The following PPIC variants were observed in gnomAD, a reference collection of about 807,000 sequenced individuals.
PPIC encodes the protein peptidylprolyl isomerase C, also known as peptidyl-prolyl cis-trans isomerase C.
Under a neutral mutation model 19.5 loss-of-function variants are expected in PPIC, and 19 were observed. The ratio of observed to expected loss-of-function variants is 0.98; its 90% CI spans 0.68 to 1.43. The LOEUF is 1.43. Ranked by LOEUF, PPIC falls within the 40% of genes most tolerant of loss-of-function variation. PPIC has a pLI of 0.00. For synonymous variants in PPIC, 107 were observed against 101.2 expected (o/e 1.06, Z -0.34); for missense variants, 268 against 268.6 (o/e 1.00, Z 0.02).
At chr5:123,026,375 A>G (rs925440894) in intron 3 of PPIC, among the ~76,000 whole-genome samples, 1 of 152,184 alleles carries the variant, frequency 6.6e-6, no homozygotes, top group Non-Finnish European at 1.5e-5. Context: ...AGCTCAGGAC[A>G]GTCCTGTGAC....
At chr5:123,026,520 A>T (rs1241942376) in intron 3 of PPIC, among the ~76,000 whole-genome samples, 1 of 152,262 alleles carries the variant, frequency 6.6e-6, no homozygotes, top group Non-Finnish European at 1.5e-5. Context: ...AACAGAGGTT[A>T]CAAAACTTGA....
chr5:123,030,605 C>G (rs911020972), intron 1 of PPIC, among the ~76,000 whole-genome samples: 8 of 152,178 alleles, frequency 5.3e-5, no homozygotes, highest in African/African-American at 1.9e-4. Context: ...TGGCATTTTA[C>G]AATTTTTACA....
intron 1 of PPIC, among the ~76,000 whole-genome samples, chr5:123,033,102 T>G (rs1762964080): frequency 6.6e-6 from 1 of 152,204 alleles, no homozygotes; most frequent in African/African-American, 2.4e-5. Context: ...TCAATGGCCA[T>G]GGAAACTTCA....
At chr5:123,035,362 T>G (rs912600776) in intron 1 of PPIC, among the ~76,000 whole-genome samples, 5 of 152,212 alleles carry the variant, frequency 3.3e-5, no homozygotes, top group Non-Finnish European at 7.3e-5. Context: ...CACAAACCAT[T>G]TCCCAAAGTT....
chr5:123,028,830 G>C lies in PPIC; in HGVS notation c.270C>G (p.Val90=). Residue 90 remains valine (V), a synonymous_variant, in exon 3 of 5, where the codon GTC becomes GTG. Coordinates refer to ENST00000306442, the MANE Select transcript of PPIC (RefSeq NM_000943.5). ...CTCCTTGAATCATGAAATCCTTGAT[G>C]ACACGATGAAACTTGCTTCCTTTAT... ...YGYKGSKFHR[V]IKDFMIQGGD... is the part of the protein sequence containing the mutation. The C allele has an allele frequency of 1.2e-6, 2 of 1,613,594 alleles. No individual in the cohort carries two copies. The highest frequency in any genetic ancestry group is 1.7e-6 in the Non-Finnish European group (2 of 1,179,502).
Position 123,036,453 on chromosome 5 carries a change from C to A in PPIC, c.117+56G>T. Reference sequence around the variant, plus strand: ...GACACCGAGGTCCCAGTATCCAAAGCGCCCCCAGGGCCCCGCCCGCAACAG... The same window carrying A: ...GACACCGAGGTCCCAGTATCCAAAGAGCCCCCAGGGCCCCGCCCGCAACAG... On this transcript the variant is annotated intron_variant, in intron 1 of 4. Coordinates refer to ENST00000306442, the MANE Select transcript of PPIC (RefSeq NM_000943.5). This position sits in a 1 kb window ranked among gnomAD's most constrained non-coding sequence, Gnocchi z 4.5. The A allele has an allele frequency of 4.0e-6, 6 of 1,488,090 alleles. No individual in the cohort carries two copies. The highest frequency in any genetic ancestry group is 5.5e-6 in the Non-Finnish European group (6 of 1,082,810). 92.2% of individuals were successfully genotyped at this position (1,488,090 alleles called of 1,614,324 possible). A position where few individuals can be genotyped will look rare whatever the true frequency, so the allele number is the denominator to read the frequency against.
rs1762794231 is a variant in PPIC, at chr5:123,023,504, C to G, written c.*371G>C. On this transcript the variant is annotated 3_prime_UTR_variant, in exon 5 of 5. Coordinates refer to ENST00000306442, the MANE Select transcript of PPIC (RefSeq NM_000943.5). ...CTTTATCTGAATTTCTGTTTGGATA[C>G]AAAATAATAATATCCTCATCTGTTT... is the stretch of plus-strand genomic sequence containing the variant. 1 of 154,412 alleles carries G rather than the reference C, an allele frequency of 6.5e-6. No individual in the cohort carries two copies. The highest frequency in any genetic ancestry group is 2.0e-4 in the South Asian group (1 of 4,918). 9.6% of individuals were successfully genotyped at this position (154,412 alleles called of 1,614,324 possible).
chr5:123,026,806 C>G (rs1561748991), intron 3 of PPIC, among the ~76,000 whole-genome samples: 1 of 152,190 alleles, frequency 6.6e-6, no homozygotes, highest in Non-Finnish European at 1.5e-5. Context: ...ATCTGACCAT[C>G]CTCCAATACC....
In PPIC at chr5:123,023,705, A is replaced by C. The variant is rs960255813; in HGVS notation, c.*170T>G. The C allele has an allele frequency of 2.8e-6, 3 of 1,085,212 alleles. No individual in the cohort carries two copies. In the Admixed American group the frequency reaches 1.2e-4, roughly 42 times the overall value. 67.2% of individuals were successfully genotyped at this position (1,085,212 alleles called of 1,614,324 possible). ...GCAGGTGGTTTACTAAAGTTCAAGCAAACTAAAGGGTGACGGTTTGATTTT... is the reference window on the plus strand; with the variant it reads ...GCAGGTGGTTTACTAAAGTTCAAGCCAACTAAAGGGTGACGGTTTGATTTT... On this transcript the variant is annotated 3_prime_UTR_variant, in exon 5 of 5. Transcript: ENST00000306442.
intron 3 of PPIC, among the ~76,000 whole-genome samples, chr5:123,026,996 C>A (rs963010930): frequency 1.3e-5 from 2 of 152,056 alleles, no homozygotes; most frequent in African/African-American, 4.8e-5. Flanking sequence ...AGATTGAGAC[C>A]ATCCTGGCTA....
intron 1 of PPIC, among the ~76,000 whole-genome samples, chr5:123,031,857 C>T (rs1433447180): frequency 6.6e-6 from 1 of 152,162 alleles, no homozygotes; most frequent in Non-Finnish European, 1.5e-5. Context: ...AGTGCAGTGG[C>T]ACAATCTTGG....
rs1762801254 is a variant in PPIC, at chr5:123,023,786, C to A, written c.*89G>T. ...CAAAAAGAAAGTAAAAAAAAAAAAG[C>A]AAATAATTGAAAGACAACACAACAC... On this transcript the variant is annotated 3_prime_UTR_variant, in exon 5 of 5. Transcript: ENST00000306442. 10 of 1,337,286 alleles carry A rather than the reference C, an allele frequency of 7.5e-6. No individual in the cohort carries two copies. Among genetic ancestry groups the A allele is most frequent in the East Asian group, 2.6e-5 (1 of 38,416 alleles). 82.8% of individuals were successfully genotyped at this position (1,337,286 alleles called of 1,614,324 possible).
intron 1 of PPIC, among the ~76,000 whole-genome samples, chr5:123,033,198 TAAG>T (rs1355558441): frequency 3.9e-5 from 6 of 152,198 alleles, no homozygotes; most frequent in African/African-American, 1.4e-4. Flanking sequence ...ACAGTAGGAT[TAAG>T]AAGATAAACA....
chr5:123,034,732 C>T (rs929996142), intron 1 of PPIC, among the ~76,000 whole-genome samples: 1 of 152,140 alleles, frequency 6.6e-6, no homozygotes, highest in African/African-American at 2.4e-5. Flanking sequence ...ATCCTATTCC[C>T]TCTCCCTCGC....
intron 1 of PPIC, among the ~76,000 whole-genome samples, chr5:123,035,791 T>A (rs1173228463): frequency 6.6e-6 from 1 of 152,126 alleles, no homozygotes; most frequent in East Asian, 1.9e-4. Flanking sequence ...CGGAGTTAAG[T>A]ACGAGGAAGC....
At chr5:123,034,242 A>C (rs1762975467) in intron 1 of PPIC, among the ~76,000 whole-genome samples, 1 of 152,240 alleles carries the variant, frequency 6.6e-6, no homozygotes. Context: ...GTTCATGAAA[A>C]AGTAATTTAA....
chr5:123,024,069 A>G, intron 4 of PPIC, 66 bp from the exon 5 acceptor site: 1 of 1,525,814 alleles, frequency 6.6e-7, no homozygotes, highest in Non-Finnish European at 8.8e-7. Flanking sequence ...CAAAGGTTAA[A>G]CCAAAGCCAA....
chr5:123,033,505 C>A (rs1001973317), intron 1 of PPIC, among the ~76,000 whole-genome samples: 1 of 152,308 alleles, frequency 6.6e-6, no homozygotes, highest in African/African-American at 2.4e-5. Context: ...CTTCCGCCGC[C>A]GTGACTGGAA....
In PPIC at chr5:123,036,403, G is replaced by T; in HGVS notation, c.117+106C>A. ...GGCCGCCTCCAGTCCCCCTGCGCCC[G>T]GGAAGCCTCCACCTCGCCCGCCCTG... On this transcript the variant is annotated intron_variant, in intron 1 of 4. Coordinates refer to ENST00000306442, the MANE Select transcript of PPIC (RefSeq NM_000943.5). The surrounding 1 kb of genome is among the most constrained non-coding windows in gnomAD (Gnocchi z 4.5). 9.7e-7 allele frequency: 1 copy of T among 1,031,948 alleles called. No individual in the cohort carries two copies. The highest frequency in any genetic ancestry group is 1.4e-6 in the Non-Finnish European group (1 of 696,476). The allele number at this position is 1,031,948 out of a possible 1,614,324, so 63.9% of individuals were successfully genotyped here.
Sources: allele counts gnomAD v4.1 joint callset (sites outside exome capture counted in the v4.1 genomes callset), GRCh38; gene constraint gnomAD v4.1.1; non-coding constraint Gnocchi (gnomAD v3.1); transcripts MANE v1.5; gene names NCBI Gene and HGNC (gene_info 2026-07-23, HGNC 2026-07-21).